EDARADD: variants seen among roughly 807,000 people sequenced by gnomAD.
EDARADD encodes the protein ectodysplasin-A receptor-associated adapter protein.
EDARADD carries 20 observed loss-of-function variants against 25.6 expected under a neutral mutation model. The observed-to-expected ratio is 0.78, with a 90% CI of 0.55 to 1.14. EDARADD has a LOEUF of 1.14. Among genes scored for constraint, EDARADD ranks in the 50% most tolerant of loss-of-function variants. The pLI, the probability that EDARADD is intolerant of heterozygous loss-of-function variation, is 0.00. For missense variants in EDARADD, 225 were observed against 270.1 expected, an observed-to-expected ratio of 0.83 and a Z score of 1.17; for synonymous variants, 86 against 94.4, an observed-to-expected ratio of 0.91 and a Z score of 0.52.
chr1:236,401,219 C>A (rs546675192), intron 1 of EDARADD, among the ~76,000 whole-genome samples: 14 of 151,938 alleles, frequency 9.2e-5, no homozygotes, highest in African/African-American at 3.4e-4. Flanking sequence ...CAAAACAACA[C>A]ACAAATAACA....
At chr1:236,373,215 T>C (rs1358598670) in intron 3 of EDARADD, among the ~76,000 whole-genome samples, 1 of 146,704 alleles carries the variant, frequency 6.8e-6, no homozygotes, top group African/African-American at 2.6e-5. Flanking sequence ...ATGCCCAGCC[T>C]TCTTTTTTGA....
chr1:236,428,942 C>A (rs943834083), intron 4 of EDARADD, among the ~76,000 whole-genome samples: 13 of 152,072 alleles, frequency 8.5e-5, no homozygotes, highest in Non-Finnish European at 1.5e-4. Context: ...GAGACACGCC[C>A]GGCCAACAGG....
intron 4 of EDARADD, among the ~76,000 whole-genome samples, chr1:236,454,294 C>T (rs901188455): frequency 3.5e-4 from 54 of 152,292 alleles, no homozygotes; most frequent in African/African-American, 1.1e-3. Context: ...GTGATCTGCC[C>T]GCCTTGGCCT....
chr1:236,481,652 G>A (rs1337393367), intron 5 of EDARADD, among the ~76,000 whole-genome samples: 1 of 151,304 alleles, frequency 6.6e-6, no homozygotes, highest in Non-Finnish European at 1.5e-5. Context: ...GGTGGTACGT[G>A]CCTGTAGTCC....
intron 3 of EDARADD, among the ~76,000 whole-genome samples, chr1:236,378,336 A>T (rs1558104491): frequency 6.6e-6 from 1 of 152,182 alleles, no homozygotes; most frequent in Non-Finnish European, 1.5e-5. Context: ...TTCTAAGGTG[A>T]ATACAAAAGT....
chr1:236,378,820 ATCT>A (rs1667257084), intron 3 of EDARADD, among the ~76,000 whole-genome samples: 1 of 152,110 alleles, frequency 6.6e-6, no homozygotes, highest in South Asian at 2.1e-4. Context: ...TAAAATGATC[ATCT>A]TGTGTACTTA....
chr1:236,434,371 G>T (rs1323048960), intron 4 of EDARADD, among the ~76,000 whole-genome samples: 1 of 151,980 alleles, frequency 6.6e-6, no homozygotes, highest in Non-Finnish European at 1.5e-5. Flanking sequence ...CCTGGTAGCT[G>T]GGATTATAGG....
In EDARADD at chr1:236,482,450, A is replaced by G. The variant is rs1031441787; in HGVS notation, c.449A>G (p.Tyr150Cys). 5.0e-6 allele frequency: 8 copies of G among 1,614,216 alleles called. No homozygotes were observed. The highest frequency in any genetic ancestry group is 1.3e-5 in the African/African-American group (1 of 75,060). Residue 150 changes from tyrosine (Y) to cysteine (C), a missense_variant, in exon 6 of 6, where the codon TAT becomes TGT. By Grantham distance (194) the Tyr-to-Cys change is radical. Transcript: ENST00000334232. ...RNFASKWGMS[Y>C]DELCFLEQRP... ...TTTGCAAGCAAATGGGGGATGTCCT[A>G]TGACGAATTGTGCTTCCTGGAGCAG...
intron 4 of EDARADD, among the ~76,000 whole-genome samples, chr1:236,449,965 G>A (rs1658666038): frequency 1.3e-5 from 2 of 152,154 alleles, no homozygotes; most frequent in African/African-American, 4.8e-5. Context: ...GCCGGGTGTA[G>A]TGGTGTGCGC....
chr1:236,452,078 C>A (rs1658727999), intron 4 of EDARADD, among the ~76,000 whole-genome samples: 1 of 152,206 alleles, frequency 6.6e-6, no homozygotes, highest in African/African-American at 2.4e-5. Context: ...CAGGTTAGGT[C>A]TTCCAGTGGC....
At chr1:236,433,773 G>C (rs1174410950) in intron 4 of EDARADD, among the ~76,000 whole-genome samples, 1 of 152,090 alleles carries the variant, frequency 6.6e-6, no homozygotes, top group East Asian at 1.9e-4. Flanking sequence ...TGGAGGCTGA[G>C]GCAGGATAAT....
At chr1:236,468,118 C>A in intron 4 of EDARADD, 113 bp from the exon 5 acceptor site, 1 of 1,014,702 alleles carries the variant, frequency 9.9e-7, no homozygotes, top group Non-Finnish European at 1.6e-6. Context: ...CCAGTCCCTC[C>A]ACCCACCCCA....
chr1:236,408,667 C>T (rs867332546), intron 1 of EDARADD, among the ~76,000 whole-genome samples: 2 of 151,988 alleles, frequency 1.3e-5, no homozygotes, highest in Non-Finnish European at 2.9e-5. Context: ...CGCTTGAGGC[C>T]GGAAGCTCAA....
Position 236,484,164 on chromosome 1 carries a change from GAGA to G in EDARADD, c.*1521_*1523del, listed in dbSNP as rs1558141274. On this transcript the variant is annotated 3_prime_UTR_variant, in exon 6 of 6. Transcript: ENST00000334232. The surrounding 1 kb of genome is among the most constrained non-coding windows in gnomAD (Gnocchi z 4.1). Reference sequence around the variant, plus strand: ...AAAGAGGACAGCCTCGGCCGTGAATGAGAAGAAGTGCAACTGCCTCCTGCTCAA... The same window carrying G: ...AAAGAGGACAGCCTCGGCCGTGAATGAGAAGTGCAACTGCCTCCTGCTCAA... The G allele has an allele frequency of 2.4e-5, 30 of 1,264,024 alleles. 1 individual carries two copies. The highest frequency in any genetic ancestry group is 1.0e-4 in the Admixed American group (6 of 59,348). 78.3% of individuals were successfully genotyped at this position (1,264,024 alleles called of 1,614,324 possible). A position where few individuals can be genotyped will look rare whatever the true frequency, so the allele number is the denominator to read the frequency against.
chr1:236,378,006 G>A (rs7519780), intron 3 of EDARADD, among the ~76,000 whole-genome samples: 15 of 152,034 alleles, frequency 9.9e-5, no homozygotes, highest in East Asian at 5.8e-4. Flanking sequence ...TTAAGGTGTC[G>A]GGGGAGAGAA....
chr1:236,467,414 GCA>G (rs893009834), intron 4 of EDARADD, among the ~76,000 whole-genome samples: 34 of 101,396 alleles, frequency 3.4e-4, no homozygotes, highest in African/African-American at 7.7e-4. Context: ...TTCATGGGAA[GCA>G]CACACACGCG....
At chr1:236,416,699 A>G (rs1426432487) in intron 3 of EDARADD, among the ~76,000 whole-genome samples, 2 of 152,222 alleles carry the variant, frequency 1.3e-5, no homozygotes, top group Non-Finnish European at 2.9e-5. Context: ...TCTCCAAATG[A>G]ATACATCATT....
chr1:236,440,582 T>G (rs1234554236), intron 4 of EDARADD, among the ~76,000 whole-genome samples: 15 of 152,186 alleles, frequency 9.9e-5, no homozygotes, highest in Admixed American at 2.0e-4. Flanking sequence ...TTGCATTTTT[T>G]TTTTTTTACA....
intron 4 of EDARADD, among the ~76,000 whole-genome samples, chr1:236,459,898 C>T (rs537450046): frequency 4.6e-5 from 7 of 151,958 alleles, no homozygotes; most frequent in Non-Finnish European, 8.8e-5. Flanking sequence ...ACAGGCGCAC[C>T]GGCCTTAGCT....
Sources: allele counts gnomAD v4.1 joint callset (sites outside exome capture counted in the v4.1 genomes callset), GRCh38; gene constraint gnomAD v4.1.1; non-coding constraint Gnocchi (gnomAD v3.1); transcripts MANE v1.5; gene names NCBI Gene and HGNC (gene_info 2026-07-23, HGNC 2026-07-21).